Variants in BOK observed in about 807,000 individuals in gnomAD.
The protein encoded by BOK is bcl-2-related ovarian killer protein.
In BOK, 20 loss-of-function variants were observed where a neutral mutation model predicts 18.3. That is an observed-to-expected ratio of 1.09 (90% CI 0.77 to 1.59). The LOEUF (loss-of-function observed/expected upper bound fraction) is 1.59, where lower values mean the gene tolerates loss of function less well. Among genes scored for constraint, BOK ranks in the 40% most tolerant of loss-of-function variants. The probability of loss-of-function intolerance (pLI) is 0.00; values close to 1 mark genes in which losing one functional copy is unlikely to be tolerated. For missense variants in BOK, 348 were observed against 307.9 expected (o/e 1.13, Z -0.97); for synonymous variants, 173 against 142.4 (o/e 1.21, Z -1.53).
chr2:241,559,409 TC>T, intron 1 of BOK, 45 bp from the exon 2 acceptor site: 1 of 1,224,752 alleles, frequency 8.2e-7, no homozygotes, highest in South Asian at 2.6e-5. Context: ...CGCGCCCCGT[TC>T]CCCGCGCCGC....
At chr2:241,568,341 C>T (rs940372400) in intron 3 of BOK, among the ~76,000 whole-genome samples, 5 of 151,726 alleles carry the variant, frequency 3.3e-5, no homozygotes, top group Admixed American at 6.6e-5. Context: ...AGGATGGTTT[C>T]GATCTCCTGA....
At chr2:241,554,031 G>A (rs564792645), upstream of BOK, among the ~76,000 whole-genome samples, 81 of 152,330 alleles carry the variant, frequency 5.3e-4, 1 homozygote, top group Non-Finnish European at 1.0e-4. Flanking sequence ...ATTTGCAGCC[G>A]GCCAGGGCAG....
chr2:241,568,802 A>G (rs752005225), intron 3 of BOK, among the ~76,000 whole-genome samples: 2 of 152,194 alleles, frequency 1.3e-5, no homozygotes, highest in Non-Finnish European at 1.5e-5. Context: ...CCTTTTGGCA[A>G]TTGTGAATTG....
intron 3 of BOK, among the ~76,000 whole-genome samples, chr2:241,565,605 C>T (rs979455093): frequency 5.3e-5 from 8 of 152,192 alleles, no homozygotes; most frequent in Non-Finnish European, 4.4e-5. Flanking sequence ...TCTTAGCAGG[C>T]GCCCTTGAGG....
chr2:241,556,950 T>G (rs2066457169), upstream of BOK, among the ~76,000 whole-genome samples: 1 of 152,216 alleles, frequency 6.6e-6, no homozygotes, highest in Non-Finnish European at 1.5e-5. Context: ...TCTATTTCTT[T>G]TAGTGTCAGT....
At position 241,562,492 on chromosome 2, in the gene BOK, C is replaced by G. The variant is rs200090668; in HGVS notation, c.349+16C>G. ...TTCTCTGCAGGTATGCCCAGCCTGC[C>G]CGTCCCATGGGACCTCAGGGAGGGA... On this transcript the variant is annotated intron_variant, in intron 3 of 4. Coordinates refer to ENST00000318407, the MANE Select transcript of BOK (RefSeq NM_032515.5). This position sits in a 1 kb window ranked among gnomAD's most constrained non-coding sequence, Gnocchi z 4.5. 3.6e-5 allele frequency: 58 copies of G among 1,599,998 alleles called. No homozygotes were observed. In the East Asian group the frequency reaches 1.2e-3, roughly 33 times the overall value.
intron 3 of BOK, 99 bp from the exon 4 acceptor site, chr2:241,570,026 C>T (rs555459301): frequency 9.7e-5 from 136 of 1,402,956 alleles, no homozygotes; most frequent in Middle Eastern, 6.8e-4. Flanking sequence ...ATTAGCTGGA[C>T]GGCAAGCAGG....
upstream of BOK, among the ~76,000 whole-genome samples, chr2:241,556,605 A>T (rs141384131): frequency 7.0e-3 from 1,035 of 147,702 alleles, 19 homozygotes; most frequent in African/African-American, 0.025. Context: ...AAAAAAAAGA[A>T]TTCAGTCCTC....
intron 2 of BOK, 88 bp downstream of exon 2, chr2:241,559,791 C>T: frequency 8.1e-7 from 1 of 1,240,992 alleles, no homozygotes; most frequent in East Asian, 3.2e-5. Context: ...GGGTCCGGCC[C>T]AGGGGCGCCC....
At position 241,572,574 on chromosome 2, in the gene BOK, C is replaced by T. The variant is rs2066741702; in HGVS notation, c.*152C>T. 2 of 1,236,562 alleles carry T rather than the reference C, an allele frequency of 1.6e-6. No homozygotes were observed. Among genetic ancestry groups the T allele is most frequent in the Non-Finnish European group, 2.2e-6 (2 of 909,216 alleles). 76.6% of individuals were successfully genotyped at this position (1,236,562 alleles called of 1,614,324 possible). On this transcript the variant is annotated 3_prime_UTR_variant, in exon 5 of 5. Coordinates refer to ENST00000318407, the MANE Select transcript of BOK (RefSeq NM_032515.5). ...GCCCCGTTCCTCCGCAGACCCAGGC[C>T]CTCCGGAAGGGGTGAGTGGGGAGGG...
chr2:241,559,608 G>A lies in BOK; in HGVS notation c.125G>A (p.Arg42Gln). Residue 42 changes from arginine to glutamine, a missense_variant, in exon 2 of 5, where the codon CGG becomes CAG. Arg to Gln is a conservative substitution (Grantham distance 43, BLOSUM62 1). Transcript: ENST00000318407. Reference sequence around the variant, plus strand: ...CTGGGCCGGGAGTACGTGCACGCGCGGCTGCTGCGCGCCGGCCTCTCCTGG... The same window carrying A: ...CTGGGCCGGGAGTACGTGCACGCGCAGCTGCTGCGCGCCGGCCTCTCCTGG... Reference protein sequence around the residue: ...KALGREYVHARLLRAGLSWSA... With the variant: ...KALGREYVHAQLLRAGLSWSA... 6.8e-7 allele frequency: 1 copy of A among 1,481,412 alleles called. No individual in the cohort carries two copies. The highest frequency in any genetic ancestry group is 8.9e-7 in the Non-Finnish European group (1 of 1,123,110). 91.8% of individuals were successfully genotyped at this position (1,481,412 alleles called of 1,614,324 possible).
At chr2:241,569,184 G>T (rs1299805114) in intron 3 of BOK, among the ~76,000 whole-genome samples, 1 of 152,226 alleles carries the variant, frequency 6.6e-6, no homozygotes, top group Middle Eastern at 3.2e-3. Flanking sequence ...AGGCTGGAGT[G>T]TACTGGCGCG....
At chr2:241,560,428 C>G (rs1285319884) in intron 2 of BOK, among the ~76,000 whole-genome samples, 3 of 152,262 alleles carry the variant, frequency 2.0e-5, no homozygotes, top group Non-Finnish European at 4.4e-5. Context: ...ATAGGTGAAA[C>G]TGAATCGGTG....
At chr2:241,564,853 A>G (rs2066586453) in intron 3 of BOK, among the ~76,000 whole-genome samples, 2 of 152,124 alleles carry the variant, frequency 1.3e-5, no homozygotes, top group African/African-American at 4.8e-5. Context: ...AGGAACAGTC[A>G]TTTCTGAGAA....
At position 241,562,656 on chromosome 2, in the gene BOK, C is replaced by T. The variant is rs1385098516; in HGVS notation, c.349+180C>T. ...CAGCCACCAGCGTGGGCTCAAACCA[C>T]AGCATTCAGGGTCTCTTGTGGTTCT... is the stretch of plus-strand genomic sequence containing the variant. On this transcript the variant is annotated intron_variant, in intron 3 of 4. Transcript: ENST00000318407. This position sits in a 1 kb window ranked among gnomAD's most constrained non-coding sequence, Gnocchi z 4.5. Among the ~76,000 whole-genome samples the T allele has an allele frequency of 6.6e-6, 1 of 152,230 alleles. No individual in the cohort carries two copies. Among genetic ancestry groups the T allele is most frequent in the Admixed American group, 6.5e-5 (1 of 15,286 alleles).
At chr2:241,554,042 G>T (rs2066433554), upstream of BOK, among the ~76,000 whole-genome samples, 1 of 152,236 alleles carries the variant, frequency 6.6e-6, no homozygotes, top group Admixed American at 6.5e-5. Flanking sequence ...GCCAGGGCAG[G>T]TGGCTGCACA....
At chr2:241,565,334 C>T (rs2066594641) in intron 3 of BOK, among the ~76,000 whole-genome samples, 1 of 152,094 alleles carries the variant, frequency 6.6e-6, no homozygotes, top group African/African-American at 2.4e-5. Context: ...TGACCTGCAA[C>T]GGGTTTCTGA....
chr2:241,555,503 G>A (rs537221890), upstream of BOK, among the ~76,000 whole-genome samples: 18 of 152,046 alleles, frequency 1.2e-4, no homozygotes, highest in Non-Finnish European at 2.6e-4. Context: ...AGCCTCCCGA[G>A]TAGCTGGGAT....
In BOK at chr2:241,562,363, T is replaced by C. The variant is rs1559201219; in HGVS notation, c.236T>C (p.Met79Thr). Reference protein sequence around the residue: ...VLLRLGDELEMIRPSVYRNVA... With the variant: ...VLLRLGDELETIRPSVYRNVA... ...GACCACACAGGCGATGAGCTGGAGATGATCCGGCCCAGCGTCTACCGCAAC... is the reference window on the plus strand; with the variant it reads ...GACCACACAGGCGATGAGCTGGAGACGATCCGGCCCAGCGTCTACCGCAAC... The change falls in exon 3 of 5, where the codon ATG (methionine) becomes ACG (threonine). Residue 79 changes from methionine (M) to threonine (T), a missense_variant. By Grantham distance (81) the Met-to-Thr change is moderately conservative. Transcript: ENST00000318407. This position sits in a 1 kb window ranked among gnomAD's most constrained non-coding sequence, Gnocchi z 4.5. The C allele has an allele frequency of 6.2e-7, 1 of 1,607,322 alleles. No individual in the cohort carries two copies. The highest frequency in any genetic ancestry group is 1.7e-4 in the Middle Eastern group (1 of 6,042).
Sources: allele counts gnomAD v4.1 joint callset (sites outside exome capture counted in the v4.1 genomes callset), GRCh38; gene constraint gnomAD v4.1.1; non-coding constraint Gnocchi (gnomAD v3.1); transcripts MANE v1.5; gene names NCBI Gene and HGNC (gene_info 2026-07-23, HGNC 2026-07-21).